PDE1C: variants seen among roughly 807,000 people sequenced by gnomAD.
PDE1C encodes dual specificity calcium/calmodulin-dependent 3',5'-cyclic nucleotide phosphodiesterase 1C.
A neutral mutation model predicts 93.1 loss-of-function variants in PDE1C; 62 were observed. The observed-to-expected ratio is 0.67, with a 90% CI of 0.54 to 0.82. The LOEUF is 0.82. Among genes scored for constraint, PDE1C ranks in the 40% least tolerant of loss-of-function variants. The pLI is 0.00. For synonymous variants in PDE1C, 325 were observed against 310.1 expected, an observed-to-expected ratio of 1.05 and a Z score of -0.50; for missense variants, 742 against 884.6, an observed-to-expected ratio of 0.84 and a Z score of 2.04.
chr7:31,837,060 C>T (rs878959591), intron 11 of PDE1C, 120 bp downstream of exon 11: 3 of 907,278 alleles, frequency 3.3e-6, no homozygotes, highest in Non-Finnish European at 4.8e-6. Flanking sequence ...TCTGTGGAGC[C>T]CCCCTCCCCT....
At chr7:32,090,998 C>G (rs1797438978) in intron 3 of PDE1C, among the ~76,000 whole-genome samples, 1 of 152,190 alleles carries the variant, frequency 6.6e-6, no homozygotes, top group Admixed American at 6.5e-5. Flanking sequence ...TAATGAGCAC[C>G]AAATATATGC....
intron 1 of PDE1C, among the ~76,000 whole-genome samples, chr7:32,327,680 G>C (rs1175949116): frequency 2.7e-5 from 4 of 150,154 alleles, no homozygotes; most frequent in Admixed American, 2.0e-4. Context: ...TGAGGCAGGA[G>C]AATTGCTTGA....
At chr7:32,096,993 A>G (rs2128748202) in intron 3 of PDE1C, among the ~76,000 whole-genome samples, 1 of 152,370 alleles carries the variant, frequency 6.6e-6, no homozygotes, top group East Asian at 1.9e-4. Context: ...GTGATGGTCC[A>G]GGCCAAATGC....
At chr7:32,311,960 A>C (rs1435406971) in intron 1 of PDE1C, among the ~76,000 whole-genome samples, 1 of 151,336 alleles carries the variant, frequency 6.6e-6, no homozygotes, top group East Asian at 1.9e-4. Context: ...AGAGGAAGTC[A>C]AATTGTCCCT....
intron 17 of PDE1C, among the ~76,000 whole-genome samples, chr7:31,755,548 T>C (rs1199908335): frequency 1.4e-5 from 2 of 148,074 alleles, no homozygotes; most frequent in Non-Finnish European, 1.5e-5. Context: ...AAGCATCTTG[T>C]AGAGCCAGAA....
intron 3 of PDE1C, among the ~76,000 whole-genome samples, chr7:32,167,843 C>T (rs1037604317): frequency 3.0e-4 from 46 of 152,106 alleles, no homozygotes; most frequent in African/African-American, 1.0e-3. Flanking sequence ...GGTAATGACC[C>T]TACAGAGGAG....
intron 17 of PDE1C, 96 bp from the exon 18 acceptor site, chr7:31,753,649 T>C (rs1166122588): frequency 1.4e-6 from 2 of 1,442,062 alleles, no homozygotes; most frequent in Non-Finnish European, 1.8e-6. Context: ...GACCTGTTTG[T>C]TTCCTCCAAG....
At position 31,848,012 on chromosome 7, in the gene PDE1C, GTCA is replaced by G; in HGVS notation, c.933_935del (p.Asp312del). 1 of 1,612,784 alleles carries G rather than the reference GTCA, an allele frequency of 6.2e-7. No homozygotes were observed. Among genetic ancestry groups the G allele is most frequent in the Non-Finnish European group, 8.5e-7 (1 of 1,179,394 alleles). ...GGTTAATCAAAATATTCATTTCCTC[GTCA>G]TCTTGCAGAAGGCGATAAGCTGCAC... On this transcript the variant is annotated inframe_deletion, in exon 9 of 18. Transcript: ENST00000396191.
intron 2 of PDE1C, among the ~76,000 whole-genome samples, chr7:31,974,300 A>G (rs990178942): frequency 6.6e-6 from 1 of 152,230 alleles, no homozygotes; most frequent in Admixed American, 6.5e-5. Context: ...TTAAAAGCAA[A>G]ATACAAAAAA....
the PDE1C span, among the ~76,000 whole-genome samples, chr7:31,732,636 T>G: frequency 1.3e-4 from 13 of 103,128 alleles, no homozygotes; most frequent in African/African-American, 4.3e-4. Flanking sequence ...TCTCCTCTCT[T>G]TCTGTGTGTG....
At chr7:31,722,852 C>A in the PDE1C span, among the ~76,000 whole-genome samples, 1 of 152,230 alleles carries the variant, frequency 6.6e-6, no homozygotes, top group Admixed American at 6.5e-5. Context: ...TACTGTTTAT[C>A]CCTCCAGTTC....
the PDE1C span, among the ~76,000 whole-genome samples, chr7:31,654,556 T>C: frequency 1.3e-5 from 2 of 152,134 alleles, no homozygotes; most frequent in African/African-American, 4.8e-5. Context: ...AGTGCCCAGC[T>C]AGGAGGCTGT....
chr7:32,046,213 T>TA lies in PDE1C; in HGVS notation c.128+5340dup, dbSNP rs1010966269. ...ATTTTTGAGCCATTTGCCTTTTTTTTAAAAAAAAAAAAGAAAGCCTAAAAA... is the reference window on the plus strand; with the variant it reads ...ATTTTTGAGCCATTTGCCTTTTTTTTAAAAAAAAAAAAAGAAAGCCTAAAAA... On this transcript the variant is annotated intron_variant, in intron 2 of 17. Coordinates refer to ENST00000396191, the MANE Select transcript of PDE1C (RefSeq NM_001191057.4). Among the ~76,000 whole-genome samples the TA allele has an allele frequency of 1.0e-3, 149 of 147,158 alleles. 1 individual carries two copies. In the Middle Eastern group the frequency reaches 0.014, roughly 14 times the overall value.
chr7:31,732,606 A>C, the PDE1C span, among the ~76,000 whole-genome samples: 51 of 115,814 alleles, frequency 4.4e-4, no homozygotes, highest in Non-Finnish European at 7.1e-4. Context: ...AATTCCTTTA[A>C]ATCTTTCTCT....
chr7:31,620,102 G>A, the PDE1C span, among the ~76,000 whole-genome samples: 55 of 152,150 alleles, frequency 3.6e-4, no homozygotes, highest in African/African-American at 1.2e-3. Flanking sequence ...CAAAGCAGCC[G>A]GGAAGCTCCA....
At chr7:32,223,106 A>G (rs1806994950) in intron 1 of PDE1C, among the ~76,000 whole-genome samples, 1 of 152,318 alleles carries the variant, frequency 6.6e-6, no homozygotes, top group Non-Finnish European at 1.5e-5. Flanking sequence ...CAAAGCCCTC[A>G]GTGTTTCTCC....
Position 32,096,986 on chromosome 7 carries a change from A to G in PDE1C, c.308+72799T>C, listed in dbSNP as rs115349583. On this transcript the variant is annotated intron_variant, in intron 3 of 18. Transcript: ENST00000396193. ...AGGTGACCCTGGAGAACCAATGGTG[A>G]TGGTCCAGGCCAAATGCCAGCAGGC... 8.1e-3 allele frequency among the ~76,000 whole-genome samples: 1,230 copies of G among 152,348 alleles called. 15 individuals are homozygous for G. The highest frequency in any genetic ancestry group is 0.028 in the African/African-American group (1,161 of 41,584).
intron 1 of PDE1C, among the ~76,000 whole-genome samples, chr7:32,261,899 TA>T (rs1810229514): frequency 6.6e-6 from 1 of 152,012 alleles, no homozygotes; most frequent in African/African-American, 2.4e-5. Context: ...GAAAAAACAC[TA>T]ATGGGCTAAA....
chr7:32,270,735 G>A (rs1810901629), intron 1 of PDE1C, among the ~76,000 whole-genome samples: 1 of 152,128 alleles, frequency 6.6e-6, no homozygotes, highest in African/African-American at 2.4e-5. Context: ...CAGTGCAGAG[G>A]GCTCTGGAGC....
Sources: gnomAD v4.1 joint callset for allele counts (sites outside exome capture counted in the v4.1 genomes callset) on GRCh38, gnomAD v4.1.1 for gene constraint, MANE v1.5 for transcripts, NCBI Gene and HGNC (gene_info 2026-07-23, HGNC 2026-07-21) for gene names.